Variants in ADRA1B observed in about 807,000 individuals in gnomAD.
ADRA1B encodes the protein adrenoceptor alpha 1B, also known as alpha-1B adrenergic receptor.
ADRA1B carries 17 observed loss-of-function variants against 17.9 expected under a neutral mutation model. That is an observed-to-expected ratio of 0.95 (90% confidence interval 0.65 to 1.42). The LOEUF is 1.42. Among genes scored for constraint, ADRA1B ranks in the 40% most tolerant of loss-of-function variants. ADRA1B has a pLI of 0.00. For missense variants in ADRA1B, 681 were observed against 722.1 expected, an observed-to-expected ratio of 0.94 and a Z score of 0.65; for synonymous variants, 366 against 327.6, an observed-to-expected ratio of 1.12 and a Z score of -1.27.
At chr5:159,912,472 C>G (rs754530878), upstream of ADRA1B, among the ~76,000 whole-genome samples, 3 of 152,236 alleles carry the variant, frequency 2.0e-5, 1 homozygote, top group Non-Finnish European at 4.4e-5. Flanking sequence ...GCTGGGGAAC[C>G]TTTACTCCCA....
the ADRA1B span, among the ~76,000 whole-genome samples, chr5:159,984,753 A>T: frequency 1.3e-5 from 2 of 151,854 alleles, no homozygotes; most frequent in Non-Finnish European, 2.9e-5. Flanking sequence ...CAAAAAAAAA[A>T]AAAAAATTAG....
At chr5:159,885,803 C>T (rs773100914) in intron 1 of ADRA1B, among the ~76,000 whole-genome samples, 4 of 152,196 alleles carry the variant, frequency 2.6e-5, no homozygotes, top group Non-Finnish European at 4.4e-5. Flanking sequence ...CCAAGTTAGA[C>T]AGTGTTTACC....
intron 1 of ADRA1B, among the ~76,000 whole-genome samples, chr5:159,879,296 T>G (rs1753831855): frequency 6.6e-6 from 1 of 152,148 alleles, no homozygotes; most frequent in East Asian, 1.9e-4. Flanking sequence ...TGCAGTCAGC[T>G]TGGCTCCTCC....
chr5:159,966,607 C>G (rs1306849352), intron 1 of ADRA1B, among the ~76,000 whole-genome samples: 2 of 152,200 alleles, frequency 1.3e-5, no homozygotes, highest in African/African-American at 4.8e-5. Context: ...ACCTACCAAA[C>G]AAGTGAGGAT....
At chr5:159,978,754 A>G in the ADRA1B span, among the ~76,000 whole-genome samples, 1 of 152,292 alleles carries the variant, frequency 6.6e-6, no homozygotes, top group African/African-American at 2.4e-5. Context: ...AGATTTACAA[A>G]ACTGCTTGGG....
chr5:159,963,768 G>C (rs1755722528), intron 1 of ADRA1B, among the ~76,000 whole-genome samples: 1 of 152,220 alleles, frequency 6.6e-6, no homozygotes, highest in Admixed American at 6.5e-5. Context: ...ATTGTTCACT[G>C]TTCAGATTTG....
At chr5:159,953,676 C>A (rs1581063682) in intron 1 of ADRA1B, among the ~76,000 whole-genome samples, 1 of 152,130 alleles carries the variant, frequency 6.6e-6, no homozygotes, top group Non-Finnish European at 1.5e-5. Context: ...AATAATTATA[C>A]CCATCTCAGA....
chr5:159,968,248 G>A (rs1237063121), intron 1 of ADRA1B, among the ~76,000 whole-genome samples: 2 of 152,118 alleles, frequency 1.3e-5, no homozygotes, highest in East Asian at 1.9e-4. Flanking sequence ...GGTACCTTCC[G>A]ATTATAATTA....
intron 1 of ADRA1B, among the ~76,000 whole-genome samples, chr5:159,959,980 G>A (rs1158443591): frequency 1.3e-5 from 2 of 152,132 alleles, no homozygotes; most frequent in African/African-American, 4.8e-5. Flanking sequence ...TGTCATATTG[G>A]GTGAGTTCCA....
chr5:159,978,354 T>C, the ADRA1B span, among the ~76,000 whole-genome samples: 1 of 152,152 alleles, frequency 6.6e-6, no homozygotes, highest in Non-Finnish European at 1.5e-5. Flanking sequence ...TACCTCTAAA[T>C]TGATGGAGCA....
chr5:159,895,153 G>A (rs1306528700), intron 1 of ADRA1B, among the ~76,000 whole-genome samples: 1 of 152,142 alleles, frequency 6.6e-6, no homozygotes, highest in East Asian at 1.9e-4. Flanking sequence ...CTCTGAGAAA[G>A]GTTGACCTAG....
the ADRA1B span, among the ~76,000 whole-genome samples, chr5:159,989,168 GTTTC>G: frequency 6.6e-6 from 1 of 151,996 alleles, no homozygotes; most frequent in Non-Finnish European, 1.5e-5. Flanking sequence ...TGGTTTTTTT[GTTTC>G]TTTGTTTGTT....
intron 1 of ADRA1B, among the ~76,000 whole-genome samples, chr5:159,903,611 G>A (rs531398202): frequency 2.0e-5 from 3 of 152,250 alleles, no homozygotes; most frequent in South Asian, 4.1e-4. Flanking sequence ...ACTTTAAAGG[G>A]TAGAAATTAT....
downstream of ADRA1B, among the ~76,000 whole-genome samples, chr5:159,973,027 T>G (rs904310077): frequency 5.9e-5 from 9 of 152,228 alleles, no homozygotes; most frequent in Non-Finnish European, 8.8e-5. Context: ...TTTGAGTGGT[T>G]TGTGGACGAG....
In ADRA1B at chr5:159,916,787, G is replaced by T; in HGVS notation, c.-119G>T. 1.0e-6 allele frequency: 1 copy of T among 1,002,842 alleles called. No homozygotes were observed. Among genetic ancestry groups the T allele is most frequent in the Non-Finnish European group, 1.5e-6 (1 of 687,924 alleles). 62.1% of individuals were successfully genotyped at this position (1,002,842 alleles called of 1,614,324 possible). Reference sequence around the variant, plus strand: ...GCCCGGGGGAGATGACTCCTCGCCAGGAGGGCGCCTCTGGGAAGAAGACCA... The same window carrying T: ...GCCCGGGGGAGATGACTCCTCGCCATGAGGGCGCCTCTGGGAAGAAGACCA... On this transcript the variant is annotated 5_prime_UTR_variant, in exon 1 of 2. The change creates a new upstream start codon in the 5' untranslated region. Transcript: ENST00000306675.
At position 159,900,711 on chromosome 5, in the gene ADRA1B, C is replaced by G. The variant is rs141706927; in HGVS notation, c.-255-15408C>G. ...GTCTCTCTCCCTTCTGCCATACCCC[C>G]CACTGAGCAAGCCCAGCTGGCAGGT... On this transcript the variant is annotated intron_variant, in intron 1 of 2. Coordinates refer to the ADRA1B transcript ENST00000641205. Among the ~76,000 whole-genome samples the G allele has an allele frequency of 2.6e-3, 400 of 152,364 alleles. 2 individuals carry two copies. The highest frequency in any genetic ancestry group is 5.8e-3 in the South Asian group (28 of 4,828).
upstream of ADRA1B, among the ~76,000 whole-genome samples, chr5:159,912,756 T>C (rs1177078819): frequency 1.3e-5 from 2 of 152,234 alleles, no homozygotes; most frequent in African/African-American, 4.8e-5. Context: ...ATGGAGAGAA[T>C]TCCTCCGTTG....
intron 1 of ADRA1B, among the ~76,000 whole-genome samples, chr5:159,906,909 A>T (rs866482649): frequency 2.0e-5 from 3 of 152,206 alleles, no homozygotes; most frequent in African/African-American, 7.2e-5. Flanking sequence ...ATTCCCTGGC[A>T]TTCACTCCCT....
intron 1 of ADRA1B, among the ~76,000 whole-genome samples, chr5:159,923,262 G>C (rs145614492): frequency 6.6e-6 from 1 of 152,276 alleles, no homozygotes; most frequent in Non-Finnish European, 1.5e-5. Context: ...ACTACAGCAG[G>C]GTTCGAAGCA....
Sources: allele counts gnomAD v4.1 joint callset (sites outside exome capture counted in the v4.1 genomes callset), GRCh38; gene constraint gnomAD v4.1.1; transcripts MANE v1.5; gene names NCBI Gene and HGNC (gene_info 2026-07-23, HGNC 2026-07-21).